Variants in SPAG16 observed in about 807,000 individuals in gnomAD.
The protein encoded by SPAG16 is sperm associated antigen 16.
SPAG16 carries 86 observed loss-of-function variants against 80.4 expected under a neutral mutation model. The observed-to-expected ratio is 1.07, with a 90% CI of 0.90 to 1.28. The LOEUF (loss-of-function observed/expected upper bound fraction) is 1.28, where lower values mean the gene tolerates loss of function less well. Among genes scored for constraint, SPAG16 ranks in the 50% most tolerant of loss-of-function variants. The pLI, the probability that SPAG16 is intolerant of heterozygous loss-of-function variation, is 0.00. For synonymous variants in SPAG16, 294 were observed against 265.9 expected (o/e 1.11, Z -1.03); for missense variants, 870 against 765.3 (o/e 1.14, Z -1.61).
intron 10 of SPAG16, among the ~76,000 whole-genome samples, chr2:213,759,511 T>C (rs1472706392): frequency 1.3e-5 from 2 of 151,968 alleles, no homozygotes; most frequent in Non-Finnish European, 2.9e-5. Flanking sequence ...ATGGAGCTTT[T>C]GAAGGAGCCG....
At chr2:214,189,590 G>A (rs2057590525) in intron 15 of SPAG16, among the ~76,000 whole-genome samples, 1 of 152,018 alleles carries the variant, frequency 6.6e-6, no homozygotes, top group Non-Finnish European at 1.5e-5. Flanking sequence ...ACAGTGAAAT[G>A]TGATCCTAGG....
intron 11 of SPAG16, among the ~76,000 whole-genome samples, chr2:213,877,406 A>T (rs747806631): frequency 2.2e-4 from 33 of 152,058 alleles, no homozygotes; most frequent in Non-Finnish European, 3.5e-4. Context: ...ACCTCCCAAC[A>T]TCAAGTGATT....
At chr2:214,318,811 G>A (rs373040441) in intron 15 of SPAG16, among the ~76,000 whole-genome samples, 28 of 152,256 alleles carry the variant, frequency 1.8e-4, no homozygotes, top group African/African-American at 5.3e-4. Context: ...CCAAACACAC[G>A]GAGTAGACTA....
Position 213,602,595 on chromosome 2 carries a change from C to T in SPAG16, c.1070+112505C>T, listed in dbSNP as rs112806999. Among the ~76,000 whole-genome samples the T allele has an allele frequency of 1.5e-3, 236 of 152,344 alleles. 3 individuals are homozygous for T. The highest frequency in any genetic ancestry group is 4.6e-3 in the African/African-American group (193 of 41,580). On this transcript the variant is annotated intron_variant, in intron 10 of 15. Coordinates refer to ENST00000331683, the MANE Select transcript of SPAG16 (RefSeq NM_024532.5). ...GTTGCAGTGAGCCAAGATCGTGCCA[C>T]TGTGCTCCAGCCTGGCAACAGAGCG...
At chr2:213,335,200 T>G (rs186507135) in intron 5 of SPAG16, among the ~76,000 whole-genome samples, 1 of 152,238 alleles carries the variant, frequency 6.6e-6, no homozygotes, top group Admixed American at 6.5e-5. Flanking sequence ...AACAAGACAA[T>G]TCAAAAAGGT....
intron 10 of SPAG16, among the ~76,000 whole-genome samples, chr2:213,736,486 C>T (rs2067288297): frequency 6.6e-6 from 1 of 151,918 alleles, no homozygotes; most frequent in Non-Finnish European, 1.5e-5. Flanking sequence ...CAGGGTTTCG[C>T]CATGTTGGCC....
intron 9 of SPAG16, among the ~76,000 whole-genome samples, chr2:213,399,260 G>A (rs1158582296): frequency 1.3e-5 from 2 of 151,818 alleles, no homozygotes; most frequent in Admixed American, 6.6e-5. Context: ...TGTCTTTGGT[G>A]GTTATTCTTT....
chr2:214,085,489 A>G (rs1576122895), intron 13 of SPAG16, among the ~76,000 whole-genome samples: 2 of 152,144 alleles, frequency 1.3e-5, no homozygotes. Flanking sequence ...TTTTAGGGCA[A>G]TGGTCCTAGC....
At chr2:213,510,500 T>C (rs1335418765) in intron 10 of SPAG16, among the ~76,000 whole-genome samples, 2 of 152,192 alleles carry the variant, frequency 1.3e-5, no homozygotes, top group Non-Finnish European at 2.9e-5. Context: ...TTTAATGTCC[T>C]TGCAAGATAT....
At chr2:213,737,430 T>C (rs954085276) in intron 10 of SPAG16, among the ~76,000 whole-genome samples, 27 of 152,256 alleles carry the variant, frequency 1.8e-4, no homozygotes, top group African/African-American at 6.0e-4. Flanking sequence ...TGCTGTTATA[T>C]AATTGGTAAC....
At chr2:214,312,065 A>G (rs1687439022) in intron 15 of SPAG16, among the ~76,000 whole-genome samples, 1 of 152,246 alleles carries the variant, frequency 6.6e-6, no homozygotes, top group South Asian at 2.1e-4. Context: ...CCACACTAAT[A>G]AGAGGAATTA....
intron 11 of SPAG16, among the ~76,000 whole-genome samples, chr2:213,867,923 C>CAA (rs1293542535): frequency 1.1e-4 from 6 of 55,362 alleles, no homozygotes; most frequent in East Asian, 4.2e-4. Flanking sequence ...GACTCTGTCT[C>CAA]AACAAAAAAA....
At chr2:213,288,956 T>C (rs931731662) in intron 1 of SPAG16, among the ~76,000 whole-genome samples, 4 of 152,182 alleles carry the variant, frequency 2.6e-5, no homozygotes, top group African/African-American at 4.8e-5. Flanking sequence ...CTAAGAACTA[T>C]GTTACTAAAT....
At chr2:214,381,886 T>C (rs541998999) in intron 15 of SPAG16, among the ~76,000 whole-genome samples, 23 of 152,372 alleles carry the variant, frequency 1.5e-4, no homozygotes, top group Middle Eastern at 3.4e-3. Context: ...CCCTATTATC[T>C]GGAGTGTTGC....
At chr2:214,069,427 T>C (rs1292160113) in intron 13 of SPAG16, among the ~76,000 whole-genome samples, 2 of 152,196 alleles carry the variant, frequency 1.3e-5, no homozygotes, top group African/African-American at 4.8e-5. Flanking sequence ...AAGGACTGTT[T>C]GGCAGATAGC....
intron 10 of SPAG16, among the ~76,000 whole-genome samples, chr2:213,846,442 C>T (rs893607090): frequency 2.6e-5 from 4 of 152,074 alleles, no homozygotes; most frequent in Non-Finnish European, 2.9e-5. Flanking sequence ...ATTTTACTCA[C>T]CTTTTTTGAC....
intron 12 of SPAG16, among the ~76,000 whole-genome samples, chr2:213,930,830 G>A (rs918302250): frequency 6.6e-6 from 1 of 152,252 alleles, no homozygotes; most frequent in Admixed American, 6.5e-5. Flanking sequence ...TATCAAATAT[G>A]CTAATTCCTT....
chr2:213,381,701 G>A (rs1457263241), intron 9 of SPAG16, among the ~76,000 whole-genome samples: 1 of 152,108 alleles, frequency 6.6e-6, no homozygotes. Context: ...ATACCCATGG[G>A]ACACCAATAT....
chr2:213,410,667 T>A (rs2068917210), intron 9 of SPAG16, among the ~76,000 whole-genome samples: 1 of 152,218 alleles, frequency 6.6e-6, no homozygotes, highest in Non-Finnish European at 1.5e-5. Context: ...GATACCAAGA[T>A]GCAAATGCCT....
Sources: allele counts gnomAD v4.1 joint callset (sites outside exome capture counted in the v4.1 genomes callset), GRCh38; gene constraint gnomAD v4.1.1; transcripts MANE v1.5; gene names NCBI Gene and HGNC (gene_info 2026-07-23, HGNC 2026-07-21).